The following DNAJC13 variants were observed in gnomAD, a reference collection of about 807,000 sequenced individuals.
DNAJC13 encodes the protein DnaJ heat shock protein family (Hsp40) member C13.
In DNAJC13, 75 loss-of-function variants were observed where a neutral mutation model predicts 290.5. The observed-to-expected ratio is 0.26, with a 90% CI of 0.21 to 0.31. The LOEUF (loss-of-function observed/expected upper bound fraction) is 0.31, where lower values mean the gene tolerates loss of function less well. Ranked by LOEUF, DNAJC13 falls within the 10% of genes least tolerant of loss-of-function variation. DNAJC13 has a pLI of 1.00. For missense variants in DNAJC13, 2,260 were observed against 2,674.5 expected, an observed-to-expected ratio of 0.85 and a Z score of 3.42; for synonymous variants, 862 against 892.0, an observed-to-expected ratio of 0.97 and a Z score of 0.60.
At chr3:132,491,564 T>TG (rs962461679) in intron 32 of DNAJC13, among the ~76,000 whole-genome samples, 5 of 151,698 alleles carry the variant, frequency 3.3e-5, no homozygotes, top group African/African-American at 9.7e-5. Context: ...ATGTCTTTGT[T>TG]GGGGGGGAAT....
At chr3:132,420,986 C>T (rs1938942675) in intron 1 of DNAJC13, among the ~76,000 whole-genome samples, 1 of 152,152 alleles carries the variant, frequency 6.6e-6, no homozygotes, top group Non-Finnish European at 1.5e-5. Flanking sequence ...TTAAAAAGAA[C>T]TGTTTTGTAC....
In DNAJC13 at chr3:132,453,683, C is replaced by G; in HGVS notation, c.829C>G (p.Pro277Ala). The G allele has an allele frequency of 6.2e-7, 1 of 1,608,010 alleles. No homozygotes were observed. Among genetic ancestry groups the G allele is most frequent in the Non-Finnish European group, 8.5e-7 (1 of 1,178,232 alleles). ...PATYNIATLK[P>A]LGEVFALVCD... ...AACCTATAATATTGCAACATTGAAG[C>G]CTTTAGGAGAAGTAAGTTTCAGCAT... The change falls in exon 8 of 56, where the codon CCT (proline) becomes GCT (alanine). Residue 277 changes from proline (P) to alanine (A), a missense_variant. Around this residue, in one of 3 missense-constraint regions of DNAJC13, gnomAD observed 762 missense variants for 964.1 expected, o/e 0.79. Transcript: ENST00000260818.
chr3:132,497,095 A>G (rs1935256928), intron 36 of DNAJC13, among the ~76,000 whole-genome samples: 1 of 152,242 alleles, frequency 6.6e-6, no homozygotes. Context: ...TAAAAGCAGT[A>G]GAAACTTTTC....
chr3:132,453,670 T>C lies in DNAJC13; in HGVS notation c.816T>C (p.Ile272=), dbSNP rs1451072422. The change falls in exon 8 of 56, where the codon ATT becomes ATC. Residue 272 remains isoleucine, a synonymous_variant. Transcript: ENST00000260818. ...LVERDPATYN[I]ATLKPLGEVF... ...AACGTGATCCGGCAACCTATAATAT[T>C]GCAACATTGAAGCCTTTAGGAGAAG... 6 of 1,613,054 alleles carry C rather than the reference T, an allele frequency of 3.7e-6. No homozygotes were observed. In the Admixed American group the frequency reaches 1.0e-4, roughly 27 times the overall value.
chr3:132,526,349 T>C (rs899916945), intron 53 of DNAJC13, 68 bp downstream of exon 53: 34 of 1,585,512 alleles, frequency 2.1e-5, no homozygotes, highest in Non-Finnish European at 3.4e-6. Context: ...TTTACCTATT[T>C]GGTACTGATT....
chr3:132,453,373 T>C lies in DNAJC13; in HGVS notation c.613T>C (p.Ser205Pro). 6.2e-7 allele frequency: 1 copy of C among 1,613,964 alleles called. No individual in the cohort carries two copies. Among genetic ancestry groups the C allele is most frequent in the Non-Finnish European group, 8.5e-7 (1 of 1,179,930 alleles). ...CCATGCTGGTAACTACATAGGTATT[T>C]CATTGCGGATCAGGAAAGAGCCTTT... ...IDHAGNYIGI[S>P]LRIRKEPLEF... is the part of the protein sequence containing the mutation. Residue 205 changes from serine to proline, a missense_variant, in exon 7 of 56, where the codon TCA becomes CCA. Ser to Pro is a moderately conservative substitution (Grantham distance 74, BLOSUM62 -1). This residue lies in a region of DNAJC13 where 762 missense variants were observed against 964.1 expected (regional missense o/e 0.79). Coordinates refer to ENST00000260818, the MANE Select transcript of DNAJC13 (RefSeq NM_015268.4).
chr3:132,515,967 T>A (rs1576514785), intron 46 of DNAJC13, among the ~76,000 whole-genome samples: 1 of 152,172 alleles, frequency 6.6e-6, no homozygotes, highest in African/African-American at 2.4e-5. Flanking sequence ...ACAGGCTTTG[T>A]CCAGAAGGAT....
At chr3:132,514,028 G>A (rs566094033) in intron 45 of DNAJC13, among the ~76,000 whole-genome samples, 1 of 152,248 alleles carries the variant, frequency 6.6e-6, no homozygotes, top group South Asian at 2.1e-4. Flanking sequence ...CGAAAAACAT[G>A]TTTTCCTACT....
chr3:132,495,238 T>C, intron 35 of DNAJC13, 72 bp downstream of exon 35: 1 of 1,203,716 alleles, frequency 8.3e-7, no homozygotes, highest in Non-Finnish European at 1.2e-6. Context: ...GAGAAAAGTA[T>C]ATTACCTTCT....
chr3:132,454,199 AGGCAAAGTGCTT>A lies in DNAJC13; in HGVS notation c.932+45_932+56del, dbSNP rs770515952. The A allele has an allele frequency of 3.6e-6, 5 of 1,402,782 alleles. No individual in the cohort carries two copies. The South Asian group carries it at 6.3e-5, about 18-fold the overall frequency. 86.9% of individuals were successfully genotyped at this position (1,402,782 alleles called of 1,614,324 possible). A position where few individuals can be genotyped will look rare whatever the true frequency, so the allele number is the denominator to read the frequency against. On this transcript the variant is annotated intron_variant, in intron 9 of 55. Coordinates refer to ENST00000260818, the MANE Select transcript of DNAJC13 (RefSeq NM_015268.4). ...AAGTTTTTGAAATCCTAGTTGTGCA[AGGCAAAGTGCTT>A]GGTCAACAAGGAAAACCAAAGATAT...
chr3:132,470,834 G>GT (rs1464859916), intron 20 of DNAJC13, among the ~76,000 whole-genome samples: 1 of 133,132 alleles, frequency 7.5e-6, no homozygotes, highest in Non-Finnish European at 1.6e-5. Flanking sequence ...GGCTGGCCAG[G>GT]CGGGGGGCTG....
At chr3:132,492,118 A>C (rs2107708959) in intron 32 of DNAJC13, among the ~76,000 whole-genome samples, 1 of 152,194 alleles carries the variant, frequency 6.6e-6, no homozygotes, top group African/African-American at 2.4e-5. Context: ...CTACACCCTC[A>C]TGCATTCAGA....
chr3:132,455,742 A>G (rs75999482), intron 9 of DNAJC13, among the ~76,000 whole-genome samples: 2,304 of 152,348 alleles, frequency 0.015, 56 homozygotes, highest in African/African-American at 0.052. Flanking sequence ...CTAAGACTAC[A>G]TATTCTATAA....
intron 6 of DNAJC13, 123 bp from the exon 7 acceptor site, chr3:132,453,175 C>G (rs1933471561): frequency 1.3e-6 from 1 of 785,138 alleles, no homozygotes; most frequent in Non-Finnish European, 2.0e-6. Flanking sequence ...GCTTATTTGC[C>G]TCTAATACCT....
intron 26 of DNAJC13, 149 bp from the exon 27 acceptor site, chr3:132,482,076 TA>T: frequency 1.8e-6 from 1 of 552,824 alleles, no homozygotes; most frequent in East Asian, 3.1e-5. Context: ...CCTAAACTCT[TA>T]AATCTTAAAA....
chr3:132,488,935 T>C, intron 30 of DNAJC13, 41 bp from the exon 31 acceptor site: 1 of 1,497,600 alleles, frequency 6.7e-7, no homozygotes, highest in Non-Finnish European at 9.2e-7. Context: ...AAAAACTAAA[T>C]CGGTTTCTAT....
intron 1 of DNAJC13, among the ~76,000 whole-genome samples, chr3:132,433,326 G>A (rs1939289693): frequency 6.6e-6 from 1 of 152,098 alleles, no homozygotes; most frequent in Admixed American, 6.5e-5. Flanking sequence ...CATACTCCTG[G>A]GTTTAAGTGA....
At chr3:132,450,483 A>G (rs543511823) in intron 5 of DNAJC13, among the ~76,000 whole-genome samples, 164 bp from the exon 6 acceptor site, 1 of 152,308 alleles carries the variant, frequency 6.6e-6, no homozygotes, top group South Asian at 2.1e-4. Flanking sequence ...AACACCTCCA[A>G]ATAGTTAAAA....
intron 43 of DNAJC13, among the ~76,000 whole-genome samples, chr3:132,508,768 A>C (rs1935675551): frequency 6.6e-6 from 1 of 152,186 alleles, no homozygotes; most frequent in Non-Finnish European, 1.5e-5. Context: ...CAAAAGTTGA[A>C]ATTATTTTTA....
Sources: allele counts gnomAD v4.1 joint callset (sites outside exome capture counted in the v4.1 genomes callset), GRCh38; gene constraint gnomAD v4.1.1; regional missense constraint gnomAD v4.1.1; transcripts MANE v1.5; gene names NCBI Gene and HGNC (gene_info 2026-07-23, HGNC 2026-07-21).